The following NIM1K variants were observed in gnomAD, a reference collection of about 807,000 sequenced individuals.
NIM1K encodes serine/threonine-protein kinase NIM1.
A neutral mutation model predicts 37.1 loss-of-function variants in NIM1K; 35 were observed. The observed-to-expected ratio is 0.94, with a 90% CI of 0.72 to 1.25. NIM1K has a LOEUF of 1.25. Ranked by LOEUF, NIM1K falls within the 50% of genes most tolerant of loss-of-function variation. The pLI is 0.00. For synonymous variants in NIM1K, 234 were observed against 206.6 expected, an observed-to-expected ratio of 1.13 and a Z score of -1.14; for missense variants, 564 against 548.0, an observed-to-expected ratio of 1.03 and a Z score of -0.29.
intron 1 of NIM1K, among the ~76,000 whole-genome samples, chr5:43,203,137 G>A (rs1289068125): frequency 6.6e-6 from 1 of 151,934 alleles, no homozygotes; most frequent in Admixed American, 6.6e-5. Flanking sequence ...CTACTTAGCA[G>A]CTGCACAAGA....
chr5:43,267,535 C>T (rs1027774770), intron 2 of NIM1K, among the ~76,000 whole-genome samples: 5 of 151,950 alleles, frequency 3.3e-5, no homozygotes, highest in Middle Eastern at 6.3e-3. Context: ...CCTTGAGGTG[C>T]GATGTTAGGG....
intron 3 of NIM1K, among the ~76,000 whole-genome samples, chr5:43,278,707 T>A (rs909197727): frequency 6.6e-6 from 1 of 152,114 alleles, no homozygotes; most frequent in African/African-American, 2.4e-5. Context: ...TGCCAGGCAC[T>A]GAAAAAGTCA....
intron 2 of NIM1K, among the ~76,000 whole-genome samples, chr5:43,260,880 G>C (rs924721362): frequency 6.6e-6 from 1 of 152,194 alleles, no homozygotes; most frequent in Admixed American, 6.5e-5. Flanking sequence ...CTGTCCTTGC[G>C]ATAGTTTGCT....
At chr5:43,241,964 TC>T (rs1752709386) in intron 1 of NIM1K, among the ~76,000 whole-genome samples, 1 of 151,996 alleles carries the variant, frequency 6.6e-6, no homozygotes, top group Non-Finnish European at 1.5e-5. Flanking sequence ...TTTGGCTTTT[TC>T]CCCAGTTGAC....
rs1457780973 is a variant in NIM1K, at chr5:43,280,141, C to CT, written c.725dup (p.Arg243ProfsTer80). 2.5e-6 allele frequency: 4 copies of CT among 1,614,068 alleles called. No homozygotes were observed. Among genetic ancestry groups the CT allele is most frequent in the African/African-American group, 2.7e-5 (2 of 74,932 alleles). On this transcript the variant is annotated frameshift_variant, in exon 4 of 4. Transcript: ENST00000326035. LOFTEE classifies it high-confidence loss of function. ...CTCCTCCCTACGCTGCGCCTGAACT[C>CT]TTCCGGGACGAGCACTACATCGGCA... is the stretch of plus-strand genomic sequence containing the variant.
rs1319477183 is a variant in NIM1K, at chr5:43,280,493, A to G, written c.1075A>G (p.Ser359Gly). 1 of 1,614,094 alleles carries G rather than the reference A, an allele frequency of 6.2e-7. No homozygotes were observed. The highest frequency in any genetic ancestry group is 8.5e-7 in the Non-Finnish European group (1 of 1,180,044). ...CAAGGAAGAAGAAAATGAGGTCAAA[A>G]GCACTTTAGAACATTTGGGCATTAC... ...TLKEEENEVK[S>G]TLEHLGITEE... Residue 359 changes from serine to glycine, a missense_variant, in exon 4 of 4, where the codon AGC becomes GGC. Coordinates refer to ENST00000326035, the MANE Select transcript of NIM1K (RefSeq NM_153361.4).
intron 1 of NIM1K, chr5:43,193,132 C>G (rs1414149218): frequency 6.6e-6 from 1 of 152,060 alleles, no homozygotes; most frequent in Non-Finnish European, 1.5e-5. Flanking sequence ...TTGATACGAC[C>G]AGGAAAAGAT....
chr5:43,236,667 G>A (rs1752626649), intron 1 of NIM1K, among the ~76,000 whole-genome samples: 1 of 152,230 alleles, frequency 6.6e-6, no homozygotes, highest in East Asian at 1.9e-4. Flanking sequence ...CTAGGCGTTT[G>A]AGTCTGTGGC....
intron 1 of NIM1K, chr5:43,232,777 C>A: frequency 1.8e-6 from 2 of 1,094,060 alleles, no homozygotes; most frequent in Non-Finnish European, 2.7e-6. Context: ...GAAGCCTTGG[C>A]GATCCATGCA....
rs563294840 is a variant in NIM1K at position 43,247,682 on chromosome 5, T to G, written c.292+1615T>G. 5.3e-5 allele frequency among the ~76,000 whole-genome samples: 8 copies of G among 152,354 alleles called. No individual in the cohort carries two copies. The East Asian group carries it at 1.5e-3, about 29-fold the overall frequency. On this transcript the variant is annotated intron_variant, in intron 2 of 3. Coordinates refer to ENST00000326035, the MANE Select transcript of NIM1K (RefSeq NM_153361.4). ...CCAGGTGATTCTAACTAACAACATGTAACACTAAGAAATACTTGCCTACAG... is the reference window on the plus strand; with the variant it reads ...CCAGGTGATTCTAACTAACAACATGGAACACTAAGAAATACTTGCCTACAG...
intron 1 of NIM1K, among the ~76,000 whole-genome samples, chr5:43,236,406 A>G (rs1405071160): frequency 6.6e-6 from 1 of 152,154 alleles, no homozygotes; most frequent in East Asian, 1.9e-4. Flanking sequence ...TCTTGAGGCC[A>G]AGAGTTCAAG....
At chr5:43,264,217 G>T (rs1753084164) in intron 2 of NIM1K, among the ~76,000 whole-genome samples, 1 of 152,134 alleles carries the variant, frequency 6.6e-6, no homozygotes, top group Non-Finnish European at 1.5e-5. Flanking sequence ...TGTTGACAGT[G>T]GGGTGTCAAA....
chr5:43,213,165 T>TTTTCTTTCTTTCTTTCTTTC (rs70994607), intron 1 of NIM1K, among the ~76,000 whole-genome samples: 6 of 39,132 alleles, frequency 1.5e-4, no homozygotes, highest in East Asian at 8.7e-4. Flanking sequence ...TTCTTTCTTT[T>TTTTCTTTCTTTCTTTCTTTC]TTTCTTTCTT....
intron 1 of NIM1K, among the ~76,000 whole-genome samples, chr5:43,217,643 T>C (rs1752319334): frequency 6.6e-6 from 1 of 151,994 alleles, no homozygotes; most frequent in African/African-American, 2.4e-5. Flanking sequence ...CTGAACATCC[T>C]TTAATGTGCT....
At chr5:43,279,234 T>C (rs1293942163) in intron 3 of NIM1K, among the ~76,000 whole-genome samples, 2 of 152,208 alleles carry the variant, frequency 1.3e-5, no homozygotes, top group Non-Finnish European at 2.9e-5. Flanking sequence ...CCACAGCCTA[T>C]GGTTATCAGT....
chr5:43,237,886 C>G (rs1441358887), intron 1 of NIM1K, among the ~76,000 whole-genome samples: 1 of 151,956 alleles, frequency 6.6e-6, no homozygotes, highest in Non-Finnish European at 1.5e-5. Context: ...TCAGGTAAAA[C>G]AGAAACCATA....
At chr5:43,206,706 T>G in intron 1 of NIM1K, 2 of 706,880 alleles carry the variant, frequency 2.8e-6, no homozygotes, top group Non-Finnish European at 5.3e-6. Flanking sequence ...GGGCCTCGCC[T>G]CACTAAGGCA....
intron 1 of NIM1K, among the ~76,000 whole-genome samples, chr5:43,228,660 A>G (rs890790891): frequency 2.1e-5 from 3 of 144,606 alleles, no homozygotes; most frequent in African/African-American, 7.5e-5. Context: ...CCCTGTCTCT[A>G]CAAAAAAAAA....
At chr5:43,248,712 G>A in intron 2 of NIM1K, among the ~76,000 whole-genome samples, 1 of 151,992 alleles carries the variant, frequency 6.6e-6, no homozygotes, top group Non-Finnish European at 1.5e-5. Context: ...GCCCAGGAGA[G>A]CCAGAGGTAT....
Sources: allele counts gnomAD v4.1 joint callset (sites outside exome capture counted in the v4.1 genomes callset), GRCh38; gene constraint gnomAD v4.1.1; transcripts MANE v1.5; gene names NCBI Gene and HGNC (gene_info 2026-07-23, HGNC 2026-07-21).